Variants in TRIM34 observed in about 807,000 individuals in gnomAD.
TRIM34 encodes the protein tripartite motif containing 34.
TRIM34 carries 41 observed loss-of-function variants against 38.1 expected under a neutral mutation model. The observed-to-expected ratio is 1.08, with a 90% CI of 0.84 to 1.40. The LOEUF (loss-of-function observed/expected upper bound fraction) is 1.40, where lower values mean the gene tolerates loss of function less well. Among genes scored for constraint, TRIM34 ranks in the 40% most tolerant of loss-of-function variants. The pLI is 0.00. For synonymous variants in TRIM34, 200 were observed against 202.5 expected, an observed-to-expected ratio of 0.99 and a Z score of 0.10; for missense variants, 556 against 571.4, an observed-to-expected ratio of 0.97 and a Z score of 0.27.
At chr11:5,625,667 T>G (rs1849182956) in intron 1 of TRIM34, among the ~76,000 whole-genome samples, 3 of 151,910 alleles carry the variant, frequency 2.0e-5, no homozygotes, top group Admixed American at 2.0e-4. Flanking sequence ...TTGAGTGATG[T>G]GACTGCCGCA....
intron 4 of TRIM34, 109 bp downstream of exon 4, chr11:5,634,970 G>A (rs138203310): frequency 3.3e-5 from 39 of 1,184,410 alleles, no homozygotes; most frequent in East Asian, 5.2e-5. Context: ...TTGCAGTGCC[G>A]CCTTGTCGTC....
At chr11:5,623,570 G>A (rs1590148393), upstream of TRIM34, among the ~76,000 whole-genome samples, 1 of 144,376 alleles carries the variant, frequency 6.9e-6, no homozygotes, top group East Asian at 2.0e-4. Context: ...TAGTAGAGAC[G>A]GGGGTTTCAC....
intron 5 of TRIM34, among the ~76,000 whole-genome samples, chr11:5,641,604 C>G (rs1850015546): frequency 6.6e-6 from 1 of 152,134 alleles, no homozygotes; most frequent in Admixed American, 6.6e-5. Context: ...ACTTTGCTTA[C>G]TTAGAAATAG....
At chr11:5,631,354 G>C (rs189167704) in intron 1 of TRIM34, among the ~76,000 whole-genome samples, 1 of 152,284 alleles carries the variant, frequency 6.6e-6, no homozygotes, top group Non-Finnish European at 1.5e-5. Flanking sequence ...GTAGCATGGA[G>C]ACCTCTGAAA....
At chr11:5,630,392 C>T (rs1849436348) in intron 1 of TRIM34, among the ~76,000 whole-genome samples, 2 of 152,110 alleles carry the variant, frequency 1.3e-5, no homozygotes, top group Non-Finnish European at 2.9e-5. Context: ...TGTCCTGCAT[C>T]CTCCCATCCC....
rs896076697 is a variant in TRIM34, at chr11:5,633,685, C to T, written c.424-119C>T. 1.5e-5 allele frequency: 14 copies of T among 950,404 alleles called. No individual in the cohort carries two copies. The Admixed American group carries it at 3.6e-4, about 24-fold the overall frequency. The allele number at this position is 950,404 out of a possible 1,614,324, so 58.9% of individuals were successfully genotyped here. On this transcript the variant is annotated intron_variant, in intron 2 of 7. Transcript: ENST00000429814. ...CCATGTCATAGATTCTAATCACCAG[C>T]TTCACAGTTTCTGTAAATTGCTTTT... is the stretch of plus-strand genomic sequence containing the variant.
upstream of TRIM34, among the ~76,000 whole-genome samples, chr11:5,623,470 C>A (rs1042218343): frequency 2.0e-5 from 3 of 151,624 alleles, no homozygotes; most frequent in African/African-American, 4.8e-5. Context: ...CGGGTTCAAG[C>A]AATTCTCCTG....
At position 5,643,123 on chromosome 11, in the gene TRIM34, ATAT is replaced by A; in HGVS notation, c.902-19_902-17del. The A allele has an allele frequency of 3.7e-6, 4 of 1,084,920 alleles. No individual in the cohort carries two copies. The highest frequency in any genetic ancestry group is 2.6e-5 in the African/African-American group (1 of 38,572). 67.2% of individuals were successfully genotyped at this position (1,084,920 alleles called of 1,614,324 possible). ...TGATTATATTCATATACATATATAT[ATAT>A]TTTTTTTTTTCTTGCAGTGGATGTC... On this transcript the variant is annotated intron_variant, in intron 7 of 7. Coordinates refer to ENST00000429814, the MANE Select transcript of TRIM34 (RefSeq NM_021616.6).
Position 5,632,285 on chromosome 11 carries a change from G to A in TRIM34, c.-47G>A, listed in dbSNP as rs1298489074. The A allele has an allele frequency of 1.2e-6, 2 of 1,612,758 alleles. No homozygotes were observed. Among genetic ancestry groups the A allele is most frequent in the African/African-American group, 1.3e-5 (1 of 74,848 alleles). On this transcript the variant is annotated 5_prime_UTR_variant, in exon 2 of 8. Coordinates refer to ENST00000429814, the MANE Select transcript of TRIM34 (RefSeq NM_021616.6). The stretch of plus-strand genomic sequence containing the variant: ...CAGGGGTCTTTAACCAGAAGAGAGA[G>A]GAGAGCCTCAGGAGTTAGGACCAGA...
rs1452277766 is a variant in TRIM34, at chr11:5,643,704, T to C, written c.1462T>C (p.Ser488Pro). The C allele has an allele frequency of 1.3e-6, 2 of 1,573,414 alleles. No homozygotes were observed. The highest frequency in any genetic ancestry group is 1.7e-6 in the Non-Finnish European group (2 of 1,165,038). ...PAPMTLCPPSS is the reference protein window; with the variant it reads ...PAPMTLCPPSP ...TCCCATGACTCTATGCCCACCAAGC[T>C]CTTGAATTTTCTCATTTCTTCACCT... is the stretch of plus-strand genomic sequence containing the variant. Residue 488 changes from serine to proline, a missense_variant, in exon 8 of 8, where the codon TCT becomes CCT. Coordinates refer to ENST00000429814, the MANE Select transcript of TRIM34 (RefSeq NM_021616.6).
chr11:5,623,502 G>T (rs1013008674), upstream of TRIM34, among the ~76,000 whole-genome samples: 14 of 150,756 alleles, frequency 9.3e-5, no homozygotes, highest in Non-Finnish European at 1.9e-4. Context: ...TGAGTAGCTG[G>T]GATTACAGGC....
intron 4 of TRIM34, among the ~76,000 whole-genome samples, chr11:5,638,894 C>G (rs1165891241): frequency 6.6e-6 from 1 of 152,138 alleles, no homozygotes; most frequent in Non-Finnish European, 1.5e-5. Flanking sequence ...ATCAGACCAA[C>G]TCAGAGTTAC....
At chr11:5,634,505 AC>A in intron 3 of TRIM34, 125 bp from the exon 4 acceptor site, 2 of 426,922 alleles carry the variant, frequency 4.7e-6, no homozygotes, top group South Asian at 1.4e-4. Context: ...ACACACACAC[AC>A]ACACACACAC....
At position 5,634,614 on chromosome 11, in the gene TRIM34, CTT is replaced by C. The variant is rs754285443; in HGVS notation, c.520-16_520-15del. ...CCTGACAAACTTACTACAACTCTCT[CTT>C]GTCCATCCTTGCAGTATCAGGTACA... On this transcript the variant is annotated splice_polypyrimidine_tract_variant and intron_variant, in intron 3 of 7. Coordinates refer to ENST00000429814, the MANE Select transcript of TRIM34 (RefSeq NM_021616.6). 10 of 1,604,776 alleles carry C rather than the reference CTT, an allele frequency of 6.2e-6. No individual in the cohort carries two copies. The highest frequency in any genetic ancestry group is 1.7e-4 in the Middle Eastern group (1 of 6,038).
At chr11:5,636,926 C>G (rs906571556) in intron 4 of TRIM34, among the ~76,000 whole-genome samples, 2 of 152,158 alleles carry the variant, frequency 1.3e-5, no homozygotes, top group African/African-American at 4.8e-5. Context: ...GTGGGTGGAT[C>G]ACGAGGTCAG....
intron 4 of TRIM34, among the ~76,000 whole-genome samples, chr11:5,635,305 G>C (rs1849686864): frequency 6.7e-6 from 1 of 149,546 alleles, no homozygotes; most frequent in South Asian, 2.1e-4. Context: ...TCCCAGGCTG[G>C]AGTGCAGTGG....
chr11:5,626,225 A>C (rs1472731009), intron 1 of TRIM34, among the ~76,000 whole-genome samples: 1 of 152,220 alleles, frequency 6.6e-6, no homozygotes, highest in Non-Finnish European at 1.5e-5. Flanking sequence ...TAATGTAAAA[A>C]CGTGCAATTA....
intron 1 of TRIM34, among the ~76,000 whole-genome samples, chr11:5,630,238 G>A (rs2133919508): frequency 6.6e-6 from 1 of 152,314 alleles, no homozygotes; most frequent in South Asian, 2.1e-4. Context: ...CCAGGGGATG[G>A]TGATGGCGAT....
At chr11:5,624,977 ATTTG>A (rs1215956059), upstream of TRIM34, 1 of 152,206 alleles carries the variant, frequency 6.6e-6, no homozygotes, top group Non-Finnish European at 1.5e-5. Context: ...GAGGAACCTC[ATTTG>A]TTGAATGAAT....
Sources: gnomAD v4.1 joint callset for allele counts (sites outside exome capture counted in the v4.1 genomes callset) on GRCh38, gnomAD v4.1.1 for gene constraint, MANE v1.5 for transcripts, NCBI Gene and HGNC (gene_info 2026-07-23, HGNC 2026-07-21) for gene names.